The following SPTSSB variants were observed in gnomAD, a reference collection of about 807,000 sequenced individuals.
SPTSSB encodes androgen down regulated in mouse prostate.
Under a neutral mutation model 7.7 loss-of-function variants are expected in SPTSSB, and 6 were observed. That is an observed-to-expected ratio of 0.78 (90% CI 0.43 to 1.54). The LOEUF (loss-of-function observed/expected upper bound fraction) is 1.54, where lower values mean the gene tolerates loss of function less well. Ranked by LOEUF, SPTSSB falls within the 40% of genes most tolerant of loss-of-function variation. The pLI is 0.01. For synonymous variants in SPTSSB, 28 were observed against 29.7 expected, an observed-to-expected ratio of 0.94 and a Z score of 0.19; for missense variants, 91 against 93.0, an observed-to-expected ratio of 0.98 and a Z score of 0.09.
chr3:161,370,894 T>C (rs1299540805), intron 1 of SPTSSB, among the ~76,000 whole-genome samples: 1 of 152,228 alleles, frequency 6.6e-6, no homozygotes, highest in Non-Finnish European at 1.5e-5. Context: ...GTTTGGTTAC[T>C]TATAAAGGAT....
At chr3:161,370,105 T>C (rs1715443827) in intron 1 of SPTSSB, among the ~76,000 whole-genome samples, 5 of 152,192 alleles carry the variant, frequency 3.3e-5, no homozygotes, top group Admixed American at 1.3e-4. Context: ...GGTGGTAAGA[T>C]AGTGGCAAAA....
chr3:161,366,274 T>C (rs1715214996), intron 1 of SPTSSB, among the ~76,000 whole-genome samples: 1 of 152,212 alleles, frequency 6.6e-6, no homozygotes, highest in African/African-American at 2.4e-5. Context: ...ATGATTTCTT[T>C]GAGCAATTTT....
chr3:161,369,105 G>T (rs1026811771), intron 1 of SPTSSB, among the ~76,000 whole-genome samples: 22 of 151,932 alleles, frequency 1.4e-4, no homozygotes, highest in Admixed American at 7.9e-4. Context: ...TTGATTATGT[G>T]GTAACTCTAT....
intron 2 of SPTSSB, among the ~76,000 whole-genome samples, chr3:161,354,702 A>T (rs578125140): frequency 5.3e-5 from 8 of 152,342 alleles, no homozygotes; most frequent in East Asian, 3.9e-4. Context: ...AAAACAATTT[A>T]AAAAACATGT....
chr3:161,352,023 G>C lies in SPTSSB; in HGVS notation c.-32-5668C>G, dbSNP rs9836554. Among the ~76,000 whole-genome samples the C allele has an allele frequency of 9.3e-3, 1,420 of 152,324 alleles. 34 individuals carry two copies. Among genetic ancestry groups the C allele is most frequent in the South Asian group, 0.014 (69 of 4,828 alleles). ...GCAGAATATTTTGTTGGATGGTGCT[G>C]TGGACTCTCCATCTGTTGCTTGCAC... is the stretch of plus-strand genomic sequence containing the variant. On this transcript the variant is annotated intron_variant, in intron 2 of 2. Transcript: ENST00000620149.
chr3:161,369,376 C>T (rs1253057025), intron 1 of SPTSSB, among the ~76,000 whole-genome samples: 9 of 46,500 alleles, frequency 1.9e-4, no homozygotes, highest in Non-Finnish European at 2.4e-4. Flanking sequence ...CTCTGTCTCT[C>T]TTTCTTTCCT....
At chr3:161,369,288 T>TC (rs377594578) in intron 1 of SPTSSB, among the ~76,000 whole-genome samples, 1,287 of 80,580 alleles carry the variant, frequency 0.016, 15 homozygotes, top group South Asian at 0.041. Context: ...TTTCTTTCTT[T>TC]TCTTTCTTTC....
chr3:161,357,036 C>T (rs1335832681), intron 2 of SPTSSB, among the ~76,000 whole-genome samples: 4 of 152,032 alleles, frequency 2.6e-5, no homozygotes, highest in Admixed American at 6.6e-5. Flanking sequence ...GAGAACTAGG[C>T]GGATCAGGCC....
At chr3:161,361,404 C>T (rs185843150) in intron 1 of SPTSSB, among the ~76,000 whole-genome samples, 1 of 152,178 alleles carries the variant, frequency 6.6e-6, no homozygotes. Flanking sequence ...CTCACCGATT[C>T]TAAGATAGTA....
chr3:161,363,562 A>G (rs1715098842), intron 1 of SPTSSB, among the ~76,000 whole-genome samples: 1 of 152,086 alleles, frequency 6.6e-6, no homozygotes, highest in African/African-American at 2.4e-5. Flanking sequence ...CCCCTGAGAT[A>G]TCACAATAAA....
intron 1 of SPTSSB, among the ~76,000 whole-genome samples, chr3:161,367,747 C>T (rs2108169704): frequency 6.6e-6 from 1 of 152,316 alleles, no homozygotes; most frequent in East Asian, 1.9e-4. Flanking sequence ...CTTCCCAAGA[C>T]TCTCTGGCTT....
chr3:161,349,711 G>C (rs1169920124), intron 2 of SPTSSB, among the ~76,000 whole-genome samples: 1 of 152,194 alleles, frequency 6.6e-6, no homozygotes, highest in Non-Finnish European at 1.5e-5. Context: ...CTTCAGGCAG[G>C]GGTACAGTGG....
chr3:161,346,901 T>G (rs1421637846), intron 2 of SPTSSB, among the ~76,000 whole-genome samples: 1 of 152,160 alleles, frequency 6.6e-6, no homozygotes, highest in Non-Finnish European at 1.5e-5. Flanking sequence ...GGGAGTGTGA[T>G]GACACTGAAG....
At position 161,355,604 on chromosome 3, in the gene SPTSSB, T is replaced by C. The variant is rs577647881; in HGVS notation, c.-33+4198A>G. ...TGAAATAAGCCAGTCACAAAAACTG[T>C]ATGATTTCACTTACATGAGGTATCT... On this transcript the variant is annotated intron_variant, in intron 2 of 2. Transcript: ENST00000620149. Among the ~76,000 whole-genome samples the C allele has an allele frequency of 4.3e-4, 65 of 152,322 alleles. 2 individuals carry two copies. In the South Asian group the frequency reaches 0.013, roughly 32 times the overall value.
intron 1 of SPTSSB, among the ~76,000 whole-genome samples, chr3:161,361,050 C>T (rs1401963751): frequency 6.6e-6 from 1 of 152,114 alleles, no homozygotes; most frequent in African/African-American, 2.4e-5. Context: ...GCAAGCTAAG[C>T]ATATCCATAG....
At chr3:161,350,289 C>T in intron 2 of SPTSSB, among the ~76,000 whole-genome samples, 1 of 152,048 alleles carries the variant, frequency 6.6e-6, no homozygotes, top group South Asian at 2.1e-4. Context: ...TGATCAGTAG[C>T]CCTCCCCCTG....
intron 2 of SPTSSB, among the ~76,000 whole-genome samples, chr3:161,354,558 T>G (rs336569): frequency 0.61 from 93,288 of 152,128 alleles, 29,867 homozygotes; most frequent in East Asian, 0.97. Flanking sequence ...GTTGCCCAAG[T>G]TGGTCTCAGA....
chr3:161,346,490 T>A, intron 2 of SPTSSB, 135 bp from the exon 3 acceptor site: 1 of 485,052 alleles, frequency 2.1e-6, no homozygotes, highest in Non-Finnish European at 3.7e-6. Context: ...ATATGAATAT[T>A]CTGTAAAATA....
At chr3:161,362,169 A>G (rs1715043733) in intron 1 of SPTSSB, among the ~76,000 whole-genome samples, 1 of 152,098 alleles carries the variant, frequency 6.6e-6, no homozygotes, top group African/African-American at 2.4e-5. Flanking sequence ...GTATGTTTCT[A>G]TGCCTAATTT....
Sources: allele counts gnomAD v4.1 joint callset (sites outside exome capture counted in the v4.1 genomes callset), GRCh38; gene constraint gnomAD v4.1.1; transcripts MANE v1.5; gene names NCBI Gene and HGNC (gene_info 2026-07-23, HGNC 2026-07-21).